The following ARHGAP26 variants were observed in gnomAD, a reference collection of about 807,000 sequenced individuals.
ARHGAP26 encodes rho GTPase-activating protein 26.
A neutral mutation model predicts 104.8 loss-of-function variants in ARHGAP26; 38 were observed. That is an observed-to-expected ratio of 0.36 (90% confidence interval 0.28 to 0.48). The LOEUF (loss-of-function observed/expected upper bound fraction) is 0.48, where lower values mean the gene tolerates loss of function less well. Ranked by LOEUF, ARHGAP26 falls within the 20% of genes least tolerant of loss-of-function variation. The pLI, the probability that ARHGAP26 is intolerant of heterozygous loss-of-function variation, is 0.99. For synonymous variants in ARHGAP26, 341 were observed against 340.0 expected (o/e 1.00, Z -0.03); for missense variants, 704 against 947.9 (o/e 0.74, Z 3.38).
chr5:142,951,697 G>A (rs577143166), intron 11 of ARHGAP26, among the ~76,000 whole-genome samples: 2 of 152,316 alleles, frequency 1.3e-5, no homozygotes, highest in Admixed American at 1.3e-4. Context: ...GCCACTCAGA[G>A]TAGAGGAGGG....
At chr5:142,783,231 C>T (rs1757872063) in intron 1 of ARHGAP26, among the ~76,000 whole-genome samples, 1 of 152,216 alleles carries the variant, frequency 6.6e-6, no homozygotes, top group Non-Finnish European at 1.5e-5. Context: ...GTTTCAGAAG[C>T]GTAAAAGTTC....
chr5:142,974,070 C>T (rs1772666528), intron 11 of ARHGAP26, among the ~76,000 whole-genome samples: 1 of 152,108 alleles, frequency 6.6e-6, no homozygotes, highest in South Asian at 2.1e-4. Context: ...TCTATTTGAT[C>T]AGTTCCTTTA....
At chr5:142,863,959 T>A (rs1262686989) in intron 1 of ARHGAP26, among the ~76,000 whole-genome samples, 1 of 152,030 alleles carries the variant, frequency 6.6e-6, no homozygotes, top group Non-Finnish European at 1.5e-5. Flanking sequence ...ACTGCTGAGG[T>A]GTTGAGAGAG....
At chr5:142,958,904 T>TAAAAA (rs1199020124) in intron 11 of ARHGAP26, among the ~76,000 whole-genome samples, 1 of 88,208 alleles carries the variant, frequency 1.1e-5, no homozygotes, top group Non-Finnish European at 2.0e-5. Flanking sequence ...CGCTGTCTCT[T>TAAAAA]AAAAAAAAAA....
chr5:142,871,077 A>G lies in ARHGAP26; in HGVS notation c.155-2323A>G, dbSNP rs1005346911. The stretch of plus-strand genomic sequence containing the variant: ...GCTTTCCTCATTGGCTTGAAGCCCA[A>G]TACTGACTCCATACCAGCAGTCATT... On this transcript the variant is annotated intron_variant, in intron 1 of 22. Coordinates refer to ENST00000645722, the MANE Select transcript of ARHGAP26 (RefSeq NM_001135608.3). The surrounding 1 kb of genome is among the most constrained non-coding windows in gnomAD (Gnocchi z 4.1). Among the ~76,000 whole-genome samples the G allele has an allele frequency of 1.3e-5, 2 of 152,176 alleles. No individual in the cohort carries two copies. Among genetic ancestry groups the G allele is most frequent in the African/African-American group, 4.8e-5 (2 of 41,438 alleles).
At chr5:142,780,043 G>A (rs1375631645) in intron 1 of ARHGAP26, among the ~76,000 whole-genome samples, 1 of 152,270 alleles carries the variant, frequency 6.6e-6, no homozygotes, top group East Asian at 1.9e-4. Flanking sequence ...TCCTCTGGAG[G>A]CATTTTATTG....
chr5:142,867,495 C>T (rs1047288529), intron 1 of ARHGAP26, among the ~76,000 whole-genome samples: 25 of 152,128 alleles, frequency 1.6e-4, no homozygotes, highest in Admixed American at 1.6e-3. Flanking sequence ...TCTCCAAGCA[C>T]AGTTTCTGAT....
intron 1 of ARHGAP26, among the ~76,000 whole-genome samples, chr5:142,853,009 A>G (rs903536738): frequency 2.6e-5 from 4 of 152,054 alleles, no homozygotes; most frequent in Admixed American, 2.6e-4. Context: ...GCTTGCCTTT[A>G]TCGAGCTCCA....
chr5:142,819,298 A>C (rs1395935127), intron 1 of ARHGAP26, among the ~76,000 whole-genome samples: 1 of 151,056 alleles, frequency 6.6e-6, no homozygotes, highest in African/African-American at 2.4e-5. Context: ...TCAGAGGTCA[A>C]CCATGGTCCT....
At chr5:142,814,958 C>T (rs1242171229) in intron 1 of ARHGAP26, among the ~76,000 whole-genome samples, 1 of 152,196 alleles carries the variant, frequency 6.6e-6, no homozygotes, top group African/African-American at 2.4e-5. Flanking sequence ...TTGGCTGGCT[C>T]CTGACTCAGG....
In ARHGAP26 at chr5:142,776,351, A is replaced by G. The variant is rs141320466; in HGVS notation, c.154+5436A>G. Among the ~76,000 whole-genome samples the G allele has an allele frequency of 3.9e-3, 600 of 152,274 alleles. 6 individuals are homozygous for G. The highest frequency in any genetic ancestry group is 0.014 in the African/African-American group (582 of 41,534). Reference sequence around the variant, plus strand: ...ACCATCATCCTAGTCCTGTTTTAGAACATTTTTAGCACCCCGAAAAGCTTT... The same window carrying G: ...ACCATCATCCTAGTCCTGTTTTAGAGCATTTTTAGCACCCCGAAAAGCTTT... On this transcript the variant is annotated intron_variant, in intron 1 of 22. Transcript: ENST00000645722.
At chr5:142,859,516 CTTCTG>C (rs1597949307) in intron 1 of ARHGAP26, 1 of 152,124 alleles carries the variant, frequency 6.6e-6, no homozygotes, top group East Asian at 1.9e-4. Context: ...AGTATGAACT[CTTCTG>C]TTCATCTTTA....
chr5:142,978,247 C>T lies in ARHGAP26; in HGVS notation c.1108-35833C>T, dbSNP rs574427285. Reference sequence around the variant, plus strand: ...TGGTAGGTCATGGTCAAAGCATGTCCTCTTTCCTCAATAGCAGTGTTGGCC... The same window carrying T: ...TGGTAGGTCATGGTCAAAGCATGTCTTCTTTCCTCAATAGCAGTGTTGGCC... On this transcript the variant is annotated intron_variant, in intron 11 of 22. Transcript: ENST00000645722. 3.3e-5 allele frequency among the ~76,000 whole-genome samples: 5 copies of T among 152,312 alleles called. No homozygotes were observed. In the South Asian group the frequency reaches 1.0e-3, roughly 32 times the overall value.
intron 14 of ARHGAP26, among the ~76,000 whole-genome samples, chr5:143,045,408 G>A (rs770117052): frequency 2.1e-5 from 3 of 143,144 alleles, no homozygotes; most frequent in Non-Finnish European, 4.4e-5. Context: ...TCTCAATTAC[G>A]GAATCACCAG....
chr5:143,222,570 C>A lies in ARHGAP26; in HGVS notation c.*124C>A. ...CGTGACTGACTCTGTTGCTACCTGT[C>A]AACATGAATGTTTCTGTGAGCTCTG... On this transcript the variant is annotated 3_prime_UTR_variant, in exon 23 of 23. Coordinates refer to ENST00000645722, the MANE Select transcript of ARHGAP26 (RefSeq NM_001135608.3). The A allele has an allele frequency of 3.0e-6, 2 of 669,094 alleles. No homozygotes were observed. The highest frequency in any genetic ancestry group is 4.7e-6 in the Non-Finnish European group (2 of 426,874). The allele number at this position is 669,094 out of a possible 1,614,324, so 41.4% of individuals were successfully genotyped here.
At chr5:142,826,706 C>A (rs1465963165) in intron 1 of ARHGAP26, among the ~76,000 whole-genome samples, 1 of 152,190 alleles carries the variant, frequency 6.6e-6, no homozygotes, top group Non-Finnish European at 1.5e-5. Context: ...TCCCTGGCCC[C>A]ATCACCAGGT....
intron 1 of ARHGAP26, among the ~76,000 whole-genome samples, chr5:142,832,671 TGATGTC>T (rs1768714534): frequency 6.6e-6 from 1 of 152,246 alleles, no homozygotes; most frequent in African/African-American, 2.4e-5. Context: ...GTCCTTGCCC[TGATGTC>T]TTGCAGCTTT....
intron 17 of ARHGAP26, among the ~76,000 whole-genome samples, chr5:143,115,274 A>G (rs926760111): frequency 2.0e-5 from 3 of 151,996 alleles, no homozygotes; most frequent in Non-Finnish European, 2.9e-5. Context: ...CGGAGGTTGC[A>G]GTGAGCCAAG....
intron 12 of ARHGAP26, among the ~76,000 whole-genome samples, chr5:143,033,917 T>G (rs1226421860): frequency 1.3e-5 from 2 of 152,212 alleles, no homozygotes; most frequent in African/African-American, 4.8e-5. Flanking sequence ...CAAAACGTAA[T>G]TCCCCGTCTG....
Sources: gnomAD v4.1 joint callset for allele counts (sites outside exome capture counted in the v4.1 genomes callset) on GRCh38, gnomAD v4.1.1 for gene constraint, Gnocchi (gnomAD v3.1) non-coding constraint, MANE v1.5 for transcripts, NCBI Gene and HGNC (gene_info 2026-07-23, HGNC 2026-07-21) for gene names.